The following CPNE2 variants were observed in gnomAD, a reference collection of about 807,000 sequenced individuals.
CPNE2 encodes copine 2, also known as copine-2.
CPNE2 carries 42 observed loss-of-function variants against 69.7 expected under a neutral mutation model. The observed-to-expected ratio is 0.60, with a 90% CI of 0.47 to 0.78. The LOEUF (loss-of-function observed/expected upper bound fraction) is 0.78. Ranked by LOEUF, CPNE2 falls within the 30% of genes least tolerant of loss-of-function variation. The pLI, the probability that CPNE2 is intolerant of heterozygous loss-of-function variation, is 0.00. For synonymous variants in CPNE2, 294 were observed against 289.8 expected (o/e 1.01, Z -0.15); for missense variants, 587 against 732.0 (o/e 0.80, Z 2.29).
At position 57,118,688 on chromosome 16, in the gene CPNE2, GGATA is replaced by G. The variant is rs71383224; in HGVS notation, c.508-488_508-485del. On this transcript the variant is annotated intron_variant, in intron 5 of 15. Coordinates refer to ENST00000290776, the MANE Select transcript of CPNE2 (RefSeq NM_152727.6). ...TGGATGGATGGATGGATGGATGGAT[GGATA>G]GATAGATAGATAGATAGAGTGAGTC... 5.1e-3 allele frequency among the ~76,000 whole-genome samples: 777 copies of G among 150,970 alleles called. 8 individuals carry two copies. Among genetic ancestry groups the G allele is most frequent in the Non-Finnish European group, 6.5e-3 (440 of 67,730 alleles).
At chr16:57,115,849 T>G (rs1397563169) in intron 4 of CPNE2, among the ~76,000 whole-genome samples, 1 of 152,238 alleles carries the variant, frequency 6.6e-6, no homozygotes, top group Non-Finnish European at 1.5e-5. Flanking sequence ...GCCCTGCTTG[T>G]GGCTGCGACG....
intron 10 of CPNE2, chr16:57,124,534 C>T (rs1049168623): frequency 5.6e-6 from 2 of 357,250 alleles, no homozygotes; most frequent in African/African-American, 2.1e-5. Flanking sequence ...GCATATCACA[C>T]AGTAACTGGC....
At chr16:57,115,062 G>C (rs774324874) in intron 3 of CPNE2, among the ~76,000 whole-genome samples, 2 of 151,708 alleles carry the variant, frequency 1.3e-5, no homozygotes, top group Non-Finnish European at 2.9e-5. Context: ...AGCCGTGATC[G>C]AGACCTGTCT....
Position 57,146,533 on chromosome 16 carries a change from C to A in CPNE2, c.1539+212C>A. ...GTGATAGTGTGAGCACTTGCTTCCACAAACTGATGGAACATGGAGCCGTGG... is the reference window on the plus strand; with the variant it reads ...GTGATAGTGTGAGCACTTGCTTCCAAAAACTGATGGAACATGGAGCCGTGG... On this transcript the variant is annotated intron_variant, in intron 15 of 15. Coordinates refer to ENST00000290776, the MANE Select transcript of CPNE2 (RefSeq NM_152727.6). This position sits in a 1 kb window ranked among gnomAD's most constrained non-coding sequence, Gnocchi z 4.4. 1 of 567,130 alleles carries A rather than the reference C, an allele frequency of 1.8e-6. No individual in the cohort carries two copies. 35.1% of individuals were successfully genotyped at this position (567,130 alleles called of 1,614,324 possible).
intron 14 of CPNE2, 139 bp from the exon 15 acceptor site, chr16:57,145,946 G>A: frequency 1.4e-6 from 1 of 703,438 alleles, no homozygotes; most frequent in Middle Eastern, 3.9e-4. Flanking sequence ...CGCATAGTGA[G>A]TTGTCTGGGA....
At chr16:57,126,781 G>A (rs2069804238) in intron 11 of CPNE2, among the ~76,000 whole-genome samples, 1 of 152,160 alleles carries the variant, frequency 6.6e-6, no homozygotes, top group South Asian at 2.1e-4. Flanking sequence ...CAAGGGAGGT[G>A]GAAGTCATCA....
At chr16:57,144,182 G>A (rs2069941243) in intron 14 of CPNE2, 1 of 152,300 alleles carries the variant, frequency 6.6e-6, no homozygotes, top group Non-Finnish European at 1.5e-5. Flanking sequence ...CCTCCACTGT[G>A]GGATTCAGGC....
chr16:57,138,443 G>A (rs2069898705), intron 14 of CPNE2, among the ~76,000 whole-genome samples: 1 of 151,974 alleles, frequency 6.6e-6, no homozygotes, highest in Non-Finnish European at 1.5e-5. Context: ...AAAACCCTTC[G>A]CCATCAGATT....
At chr16:57,125,255 C>G (rs1194714611) in intron 10 of CPNE2, 1 of 455,990 alleles carries the variant, frequency 2.2e-6, no homozygotes, top group Non-Finnish European at 4.4e-6. Context: ...TAATAAGCAC[C>G]TGCCTTGTCT....
intron 1 of CPNE2, among the ~76,000 whole-genome samples, chr16:57,103,613 G>A (rs1321654769): frequency 2.0e-5 from 3 of 152,146 alleles, no homozygotes; most frequent in Admixed American, 2.0e-4. Context: ...TCTCCCCTTC[G>A]GGGTTACCAG....
chr16:57,138,221 T>TCA, intron 14 of CPNE2, among the ~76,000 whole-genome samples: 1 of 152,110 alleles, frequency 6.6e-6, no homozygotes, highest in Admixed American at 6.5e-5. Context: ...CTTTCTCATC[T>TCA]TCCACCTCCA....
intron 1 of CPNE2, among the ~76,000 whole-genome samples, chr16:57,093,558 TGGGGAAGG>T (rs1289791538): frequency 6.6e-6 from 1 of 151,938 alleles, no homozygotes; most frequent in African/African-American, 2.4e-5. Context: ...AGCTCTCCTA[TGGGGAAGG>T]GGCTGCTTCA....
rs1016627634 is a variant in CPNE2 at position 57,121,173 on chromosome 16, G to A, written c.762G>A (p.Glu254=). 1.2e-6 allele frequency: 2 copies of A among 1,614,002 alleles called. No homozygotes were observed. Among genetic ancestry groups the A allele is most frequent in the Non-Finnish European group, 1.7e-6 (2 of 1,179,940 alleles). ...AGACCTCAGTGTCACAGATGTGTGA[G>A]GCTCGAGACAGCGTCCCGGTGAGAT... The part of the protein sequence containing the change: ...EFQTSVSQMC[E]ARDSVPLEFE... Residue 254 remains glutamate (E), a synonymous_variant, in exon 8 of 16, where the codon GAG becomes GAA. Coordinates refer to ENST00000290776, the MANE Select transcript of CPNE2 (RefSeq NM_152727.6).
Position 57,092,888 on chromosome 16 carries a change from C to A in CPNE2, c.-36+98C>A, listed in dbSNP as rs1334824208. ...ATCCAGCTGCGGGTCCGAAGGAACC[C>A]GGGTTCCGCCTCGGGGGGCTGCGGC... On this transcript the variant is annotated intron_variant, in intron 1 of 15. Coordinates refer to ENST00000290776, the MANE Select transcript of CPNE2 (RefSeq NM_152727.6). This position sits in a 1 kb window ranked among gnomAD's most constrained non-coding sequence, Gnocchi z 5.3. The A allele has an allele frequency of 1.3e-5, 2 of 151,920 alleles. No individual in the cohort carries two copies. The highest frequency in any genetic ancestry group is 4.8e-5 in the African/African-American group (2 of 41,388). The allele number at this position is 151,920 out of a possible 1,614,324, so 9.4% of individuals were successfully genotyped here.
At chr16:57,109,322 A>C (rs1250211633) in intron 1 of CPNE2, among the ~76,000 whole-genome samples, 1 of 152,086 alleles carries the variant, frequency 6.6e-6, no homozygotes, top group African/African-American at 2.4e-5. Flanking sequence ...CTAAAAATAC[A>C]AAAATTACCC....
chr16:57,139,972 C>T (rs1047703341), intron 14 of CPNE2, among the ~76,000 whole-genome samples: 8 of 152,038 alleles, frequency 5.3e-5, no homozygotes, highest in African/African-American at 1.9e-4. Context: ...ACCTGAGGGA[C>T]GGAGAAGGAC....
Position 57,138,793 on chromosome 16 carries a change from T to A in CPNE2, c.1302+1511T>A, listed in dbSNP as rs997478696. Among the ~76,000 whole-genome samples, 14 of 152,274 alleles carry A rather than the reference T, an allele frequency of 9.2e-5. No homozygotes were observed. In the South Asian group the frequency reaches 1.0e-3, roughly 11 times the overall value. On this transcript the variant is annotated intron_variant, in intron 14 of 15. Coordinates refer to ENST00000290776, the MANE Select transcript of CPNE2 (RefSeq NM_152727.6). ...AGGCTCATCGTGCTCTGTGAATGGATGAAGTCAGCACTGGCTGAGGGATGT... is the reference window on the plus strand; with the variant it reads ...AGGCTCATCGTGCTCTGTGAATGGAAGAAGTCAGCACTGGCTGAGGGATGT...
Position 57,098,273 on chromosome 16 carries a change from C to T in CPNE2, c.-36+5483C>T, listed in dbSNP as rs138376494. Among the ~76,000 whole-genome samples, 304 of 152,344 alleles carry T rather than the reference C, an allele frequency of 2.0e-3. 2 individuals carry two copies. The East Asian group carries it at 0.02, about 10-fold the overall frequency. On this transcript the variant is annotated intron_variant, in intron 1 of 15. Coordinates refer to ENST00000290776, the MANE Select transcript of CPNE2 (RefSeq NM_152727.6). ...CCATGCTGTCTGCATCTGTATTTAT[C>T]CCCGTAATGGCCTGGCTGCCTGTTG...
In CPNE2 at chr16:57,145,915, G is replaced by A; in HGVS notation, c.1303-170G>A. 6.4e-6 allele frequency: 4 copies of A among 628,734 alleles called. No individual in the cohort carries two copies. In the South Asian group the frequency reaches 7.4e-5, roughly 12 times the overall value. 38.9% of individuals were successfully genotyped at this position (628,734 alleles called of 1,614,324 possible). ...GTTTAGAGCATGAGAGGCCTGCAGGGGTGGGGTGCTGAGAGCAGGACGCAT... is the reference window on the plus strand; with the variant it reads ...GTTTAGAGCATGAGAGGCCTGCAGGAGTGGGGTGCTGAGAGCAGGACGCAT... On this transcript the variant is annotated intron_variant, in intron 14 of 15. Coordinates refer to ENST00000290776, the MANE Select transcript of CPNE2 (RefSeq NM_152727.6).
Sources: gnomAD v4.1 joint callset for allele counts (sites outside exome capture counted in the v4.1 genomes callset) on GRCh38, gnomAD v4.1.1 for gene constraint, Gnocchi (gnomAD v3.1) non-coding constraint, MANE v1.5 for transcripts, NCBI Gene and HGNC (gene_info 2026-07-23, HGNC 2026-07-21) for gene names.